TP53I13: variants seen among roughly 807,000 people sequenced by gnomAD.
TP53I13 encodes the protein tumor protein p53-inducible protein 13.
In TP53I13, 27 loss-of-function variants were observed where a neutral mutation model predicts 39.1. That is an observed-to-expected ratio of 0.69 (90% confidence interval 0.51 to 0.95). The LOEUF is 0.95. Ranked by LOEUF, TP53I13 falls within the 40% of genes least tolerant of loss-of-function variation. TP53I13 has a pLI of 0.00. For missense variants in TP53I13, 544 were observed against 520.4 expected, an observed-to-expected ratio of 1.05 and a Z score of -0.44; for synonymous variants, 230 against 224.6, an observed-to-expected ratio of 1.02 and a Z score of -0.22.
At chr17:29,574,676 T>A, downstream of TP53I13, 1 of 1,561,566 alleles carries the variant, frequency 6.4e-7, no homozygotes, top group African/African-American at 1.4e-5. Context: ...GGTCCTAGGG[T>A]GCAGGTGAGG....
At chr17:29,573,244 C>T (rs2033041400), downstream of TP53I13, 7 of 275,174 alleles carry the variant, frequency 2.5e-5, no homozygotes, top group East Asian at 4.6e-4. Flanking sequence ...TTGAGGCAGC[C>T]CGCCCCCGCT....
Position 29,572,807 on chromosome 17 carries a change from CACAGCTG to C in TP53I13, c.1070-4_1072del. 6.5e-7 allele frequency: 1 copy of C among 1,534,396 alleles called. No homozygotes were observed. Among genetic ancestry groups the C allele is most frequent in the Admixed American group, 2.0e-5 (1 of 50,634 alleles). ...GCCCTTGACTGCTCGGCGCCCGGCC[CACAGCTG>C]TGCTGAAGCGGAGGCTGCTGCAGCC... is the stretch of plus-strand genomic sequence containing the variant. On this transcript the variant is annotated splice_acceptor_variant and splice_polypyrimidine_tract_variant and coding_sequence_variant and intron_variant, in exon 7 of 7. Transcript: ENST00000301057. LOFTEE classifies it high-confidence loss of function.
At chr17:29,575,716 G>A, downstream of TP53I13, 1 of 1,612,434 alleles carries the variant, frequency 6.2e-7, no homozygotes. This position sits in a 1 kb window ranked among gnomAD's most constrained non-coding sequence, Gnocchi z 5.5. Context: ...GGAGGGCGGA[G>A]GGAAGGGGCT....
the TP53I13 span, chr17:29,582,162 T>C: frequency 5.2e-6 from 8 of 1,531,384 alleles, no homozygotes; most frequent in Middle Eastern, 2.0e-4. Context: ...GAGCAGAGTG[T>C]GCAGTGAATA....
At chr17:29,576,324 C>G, downstream of TP53I13, 1 of 1,613,192 alleles carries the variant, frequency 6.2e-7, no homozygotes, top group South Asian at 1.1e-5. Context: ...GCCTGGCGAT[C>G]CCTGCGGTGT....
At chr17:29,566,658 C>A (rs761577551), upstream of TP53I13, 3 of 1,602,960 alleles carry the variant, frequency 1.9e-6, no homozygotes, top group East Asian at 4.5e-5. Flanking sequence ...GCAGGTGGGG[C>A]CCGGAGAACC....
At chr17:29,578,043 A>T (rs1243517891), downstream of TP53I13, among the ~76,000 whole-genome samples, 1 of 152,224 alleles carries the variant, frequency 6.6e-6, no homozygotes, top group East Asian at 1.9e-4. Flanking sequence ...CCAGGGAGAC[A>T]GCCAAAGTGG....
At chr17:29,567,073 C>G (rs2032736839), upstream of TP53I13, 1 of 1,006,456 alleles carries the variant, frequency 9.9e-7, no homozygotes, top group African/African-American at 1.7e-5. This position sits in a 1 kb window ranked among gnomAD's most constrained non-coding sequence, Gnocchi z 6.6. Flanking sequence ...GCCCAGGGCC[C>G]TCCCGCGCGG....
chr17:29,567,174 T>A, upstream of TP53I13: 2 of 210,892 alleles, frequency 9.5e-6, no homozygotes, highest in Non-Finnish European at 1.8e-5. The surrounding 1 kb of genome is among the most constrained non-coding windows in gnomAD (Gnocchi z 6.6). Context: ...CGGCCCTTTG[T>A]ACAGCAATTG....
chr17:29,572,545 G>C lies in TP53I13; in HGVS notation c.917G>C (p.Arg306Pro). ...PPRAARGPTP[R>P]TEEAAWAAMA... Reference sequence around the variant, plus strand: ...CGGGCAGCCCGGGGCCCCACCCCACGCACTGAAGAGGCCGCCTGGGCTGCC... The same window carrying C: ...CGGGCAGCCCGGGGCCCCACCCCACCCACTGAAGAGGCCGCCTGGGCTGCC... Residue 306 changes from arginine to proline, a missense_variant, in exon 6 of 7, where the codon CGC (arginine) becomes CCC (proline). Arg to Pro is a moderately radical substitution (Grantham distance 103). Coordinates refer to ENST00000301057, the MANE Select transcript of TP53I13 (RefSeq NM_138349.4). The C allele has an allele frequency of 6.2e-7, 1 of 1,604,148 alleles. No homozygotes were observed. The highest frequency in any genetic ancestry group is 8.5e-7 in the Non-Finnish European group (1 of 1,176,534).
chr17:29,573,246 G>A, downstream of TP53I13: 2 of 268,398 alleles, frequency 7.5e-6, no homozygotes, highest in Non-Finnish European at 1.4e-5. Flanking sequence ...GAGGCAGCCC[G>A]CCCCCGCTGG....
chr17:29,575,858 G>T (rs1306766085), downstream of TP53I13: 14 of 1,612,050 alleles, frequency 8.7e-6, no homozygotes, highest in Non-Finnish European at 1.2e-5. This position sits in a 1 kb window ranked among gnomAD's most constrained non-coding sequence, Gnocchi z 5.5. Context: ...CGGGGAGGAG[G>T]GAGTGAAGGG....
At chr17:29,579,136 C>T in the TP53I13 span, 8 of 688,490 alleles carry the variant, frequency 1.2e-5, no homozygotes, top group East Asian at 2.6e-5. Flanking sequence ...TTCATCTCAC[C>T]GCGTCCCCCA....
At chr17:29,571,550 G>A (rs202164013) in intron 3 of TP53I13, 41 bp from the exon 4 acceptor site, 2 of 1,608,556 alleles carry the variant, frequency 1.2e-6, no homozygotes, top group East Asian at 2.2e-5. Flanking sequence ...TCTCTGGGAG[G>A]GCTCTGGGCC....
chr17:29,568,973 G>C lies in TP53I13; in HGVS notation c.73-45G>C, dbSNP rs1298355683. ...TGGGCCTGGGGAGAGAGAGGGCAGG[G>C]CCTCGCCGCGTCCAGCGCCCCAACT... On this transcript the variant is annotated intron_variant, in intron 1 of 6. Transcript: ENST00000301057. The surrounding 1 kb of genome is among the most constrained non-coding windows in gnomAD (Gnocchi z 4.5). 1.3e-6 allele frequency: 2 copies of C among 1,590,580 alleles called. No homozygotes were observed. Among genetic ancestry groups the C allele is most frequent in the Non-Finnish European group, 1.7e-6 (2 of 1,170,174 alleles).
At position 29,572,555 on chromosome 17, in the gene TP53I13, G is replaced by A. The variant is rs767434838; in HGVS notation, c.927G>A (p.Glu309=). The A allele has an allele frequency of 4.4e-6, 7 of 1,602,718 alleles. No individual in the cohort carries two copies. The South Asian group carries it at 7.8e-5, about 18-fold the overall frequency. The change falls in exon 6 of 7, where the codon GAG becomes GAA. Residue 309 remains glutamate, a synonymous_variant. Transcript: ENST00000301057. ...GGGGCCCCACCCCACGCACTGAAGA[G>A]GCCGCCTGGGCTGCCATGGCCCTGA... ...AARGPTPRTE[E]AAWAAMALTF... is the part of the protein sequence containing the mutation.
At chr17:29,577,138 G>A (rs1205688642), downstream of TP53I13, 1 of 1,613,382 alleles carries the variant, frequency 6.2e-7, no homozygotes, top group Admixed American at 1.7e-5. Flanking sequence ...CCTCCCACCT[G>A]TGGGGCTGCT....
chr17:29,576,271 C>A (rs778505155), downstream of TP53I13: 73 of 1,611,376 alleles, frequency 4.5e-5, no homozygotes, highest in Non-Finnish European at 6.2e-5. Context: ...CAGGGGGGCC[C>A]CCAAAGGGCT....
rs1444042552 is a variant in TP53I13, at chr17:29,572,797, G to A, written c.1070-15G>A. ...CTGCCCTCCCGCCCTTGACTGCTCGGCGCCCGGCCCACAGCTGTGCTGAAG... is the reference window on the plus strand; with the variant it reads ...CTGCCCTCCCGCCCTTGACTGCTCGACGCCCGGCCCACAGCTGTGCTGAAG... On this transcript the variant is annotated splice_polypyrimidine_tract_variant and intron_variant, in intron 6 of 6. Coordinates refer to ENST00000301057, the MANE Select transcript of TP53I13 (RefSeq NM_138349.4). 1 of 1,533,258 alleles carries A rather than the reference G, an allele frequency of 6.5e-7. No individual in the cohort carries two copies. Among genetic ancestry groups the A allele is most frequent in the Non-Finnish European group, 8.7e-7 (1 of 1,142,890 alleles). 95.0% of individuals were successfully genotyped at this position (1,533,258 alleles called of 1,614,324 possible). A position where few individuals can be genotyped will look rare whatever the true frequency, so the allele number is the denominator to read the frequency against.
Sources: allele counts gnomAD v4.1 joint callset (sites outside exome capture counted in the v4.1 genomes callset), GRCh38; gene constraint gnomAD v4.1.1; non-coding constraint Gnocchi (gnomAD v3.1); transcripts MANE v1.5; gene names NCBI Gene and HGNC (gene_info 2026-07-23, HGNC 2026-07-21).